AKR1C3: variants seen among roughly 807,000 people sequenced by gnomAD.
AKR1C3 encodes aldo-keto reductase family 1 member C3, also known as 3-alpha hydroxysteroid dehydrogenase, type II.
A neutral mutation model predicts 43.6 loss-of-function variants in AKR1C3; 48 were observed. The ratio of observed to expected loss-of-function variants is 1.10; its 90% CI spans 0.87 to 1.40. AKR1C3 has a LOEUF of 1.40. Ranked by LOEUF, AKR1C3 falls within the 40% of genes most tolerant of loss-of-function variation. The pLI is 0.00. For missense variants in AKR1C3, 482 were observed against 391.2 expected (o/e 1.23, Z -1.96); for synonymous variants, 162 against 139.6 (o/e 1.16, Z -1.13).
chr10:5,092,657 C>A (rs1252606737), upstream of AKR1C3, among the ~76,000 whole-genome samples: 1 of 151,986 alleles, frequency 6.6e-6, no homozygotes, highest in Admixed American at 6.6e-5. Context: ...ATTTCTACAT[C>A]ATTGTTGATA....
chr10:5,083,323 C>G (rs901380840), intron 1 of AKR1C3, among the ~76,000 whole-genome samples: 1 of 151,858 alleles, frequency 6.6e-6, no homozygotes, highest in Non-Finnish European at 1.5e-5. Flanking sequence ...TGAGAACATG[C>G]GGTGTTTGGT....
intron 1 of AKR1C3, among the ~76,000 whole-genome samples, chr10:5,067,889 A>G (rs1164204006): frequency 1.3e-5 from 2 of 152,234 alleles, no homozygotes; most frequent in African/African-American, 4.8e-5. Flanking sequence ...CTGGTTCTCC[A>G]TGAGTCTAAA....
intron 1 of AKR1C3, among the ~76,000 whole-genome samples, chr10:5,065,092 T>C (rs1368474291): frequency 1.3e-5 from 2 of 152,172 alleles, no homozygotes; most frequent in Non-Finnish European, 2.9e-5. Context: ...GAATGGCTAT[T>C]ACTAAAAAGT....
At chr10:5,104,088 TATGTATTC>T (rs1486430879) in intron 7 of AKR1C3, among the ~76,000 whole-genome samples, 2 of 152,138 alleles carry the variant, frequency 1.3e-5, no homozygotes, top group Non-Finnish European at 2.9e-5. Flanking sequence ...TCTCTGTAGT[TATGTATTC>T]ATGAACAAAA....
At chr10:5,099,677 G>C in intron 5 of AKR1C3, 1 of 695,530 alleles carries the variant, frequency 1.4e-6, no homozygotes. Flanking sequence ...GTAATATTTA[G>C]GGGAGGTCCA....
chr10:5,084,618 T>G (rs1838920725), intron 1 of AKR1C3, among the ~76,000 whole-genome samples: 1 of 152,138 alleles, frequency 6.6e-6, no homozygotes, highest in Non-Finnish European at 1.5e-5. Context: ...GTGAAGAAAG[T>G]AATTGGTAGC....
chr10:5,082,550 T>C (rs1002796361), intron 1 of AKR1C3, among the ~76,000 whole-genome samples: 4 of 152,162 alleles, frequency 2.6e-5, no homozygotes, highest in African/African-American at 9.7e-5. Flanking sequence ...ATCATTTTTT[T>C]TTTGCTTTTA....
intron 1 of AKR1C3, among the ~76,000 whole-genome samples, chr10:5,053,099 C>G (rs1838185774): frequency 1.3e-5 from 2 of 152,272 alleles, no homozygotes; most frequent in African/African-American, 2.4e-5. Context: ...GGATCCCATG[C>G]TGGGACCGCA....
intron 1 of AKR1C3, among the ~76,000 whole-genome samples, chr10:5,082,081 T>G (rs539819253): frequency 5.3e-5 from 8 of 152,200 alleles, no homozygotes; most frequent in Non-Finnish European, 1.2e-4. Context: ...TGGATGATTC[T>G]GCCTTAAATA....
intron 1 of AKR1C3, among the ~76,000 whole-genome samples, chr10:5,064,824 G>C (rs1362215388): frequency 6.6e-6 from 1 of 150,892 alleles, no homozygotes; most frequent in African/African-American, 2.4e-5. Flanking sequence ...AAACCACAAT[G>C]AGATACCATC....
chr10:5,066,724 T>G (rs1554780836), intron 1 of AKR1C3, among the ~76,000 whole-genome samples: 1 of 152,228 alleles, frequency 6.6e-6, no homozygotes, highest in Non-Finnish European at 1.5e-5. Flanking sequence ...CTCATCTCCT[T>G]CACTGAATTT....
intron 3 of AKR1C3, chr10:5,098,279 C>A: frequency 1.3e-6 from 1 of 777,576 alleles, no homozygotes; most frequent in Non-Finnish European, 1.6e-6. Flanking sequence ...ATTGTTGACC[C>A]AAACTTTTTC....
intron 1 of AKR1C3, among the ~76,000 whole-genome samples, chr10:5,074,528 T>C (rs185687887): frequency 6.6e-6 from 1 of 152,298 alleles, no homozygotes; most frequent in Admixed American, 6.5e-5. Context: ...TCTGACATCT[T>C]TAAAGGTCTG....
intron 1 of AKR1C3, among the ~76,000 whole-genome samples, chr10:5,078,202 T>C (rs933978322): frequency 2.6e-5 from 4 of 152,198 alleles, no homozygotes; most frequent in African/African-American, 9.6e-5. Context: ...TGCGGGTGGA[T>C]CACTTGAGGT....
At chr10:5,096,924 C>T (rs558492283) in intron 2 of AKR1C3, among the ~76,000 whole-genome samples, 2 of 152,228 alleles carry the variant, frequency 1.3e-5, no homozygotes, top group African/African-American at 4.8e-5. Flanking sequence ...CTCTCAATTG[C>T]TATCTTTATC....
intron 1 of AKR1C3, chr10:5,096,129 A>G: frequency 3.4e-6 from 1 of 293,966 alleles, no homozygotes; most frequent in Non-Finnish European, 6.4e-6. Context: ...AATTAGGACT[A>G]TTTCAGTCAT....
intron 1 of AKR1C3, among the ~76,000 whole-genome samples, chr10:5,063,623 C>A (rs1258817277): frequency 2.0e-5 from 3 of 151,610 alleles, no homozygotes; most frequent in Non-Finnish European, 4.4e-5. Flanking sequence ...CCCATCTCTA[C>A]TAAAAACACA....
At chr10:5,099,504 C>T (rs1839296930) in intron 5 of AKR1C3, 55 bp downstream of exon 5, 1 of 1,610,472 alleles carries the variant, frequency 6.2e-7, no homozygotes, top group African/African-American at 1.3e-5. Flanking sequence ...TCTTCCTGTC[C>T]TATTGCCAAA....
rs782627804 is a variant in AKR1C3 at position 5,102,520 on chromosome 10, C to T, written c.716C>T (p.Pro239Leu). Reference sequence around the variant, plus strand: ...AACTCCCCGGTGCTCTTGGAGGACCCAGTCCTTTGTGCCTTGGCAAAAAAG... The same window carrying T: ...AACTCCCCGGTGCTCTTGGAGGACCTAGTCCTTTGTGCCTTGGCAAAAAAG... Reference protein sequence around the residue: ...DPNSPVLLEDPVLCALAKKHK... With the variant: ...DPNSPVLLEDLVLCALAKKHK... Residue 239 changes from proline (P) to leucine (L), a missense_variant, in exon 7 of 9, where the codon CCA (proline) becomes CTA (leucine). Pro to Leu is a moderately conservative substitution (Grantham distance 98). Transcript: ENST00000380554. 2.5e-6 allele frequency: 4 copies of T among 1,574,880 alleles called. No homozygotes were observed. The highest frequency in any genetic ancestry group is 1.7e-6 in the Non-Finnish European group (2 of 1,160,010).
Sources: gnomAD v4.1 joint callset for allele counts (sites outside exome capture counted in the v4.1 genomes callset) on GRCh38, gnomAD v4.1.1 for gene constraint, MANE v1.5 for transcripts, NCBI Gene and HGNC (gene_info 2026-07-23, HGNC 2026-07-21) for gene names.